The following ZNF682 variants were observed in gnomAD, a reference collection of about 807,000 sequenced individuals.
The protein encoded by ZNF682 is zinc finger protein 682.
Under a neutral mutation model 36.5 loss-of-function variants are expected in ZNF682, and 29 were observed. The observed-to-expected ratio is 0.80, with a 90% CI of 0.59 to 1.08. The LOEUF is 1.08. Among genes scored for constraint, ZNF682 ranks in the 50% least tolerant of loss-of-function variants. The pLI is 0.00. For synonymous variants in ZNF682, 180 were observed against 197.0 expected, an observed-to-expected ratio of 0.91 and a Z score of 0.72; for missense variants, 561 against 579.7, an observed-to-expected ratio of 0.97 and a Z score of 0.33.
downstream of ZNF682, among the ~76,000 whole-genome samples, chr19:19,995,545 G>A (rs1380441712): frequency 6.6e-6 from 1 of 152,186 alleles, no homozygotes; most frequent in Non-Finnish European, 1.5e-5. Context: ...GATTGAATTA[G>A]AGATTTCTCT....
intron 3 of ZNF682, among the ~76,000 whole-genome samples, chr19:20,008,615 G>A (rs114358960): frequency 2.0e-5 from 3 of 152,278 alleles, no homozygotes; most frequent in African/African-American, 7.2e-5. Flanking sequence ...CAGGACCCCT[G>A]ATAAATATGG....
At chr19:20,012,286 A>C (rs555997167) in intron 3 of ZNF682, among the ~76,000 whole-genome samples, 1 of 152,312 alleles carries the variant, frequency 6.6e-6, no homozygotes, top group African/African-American at 2.4e-5. Flanking sequence ...CAATTAATCA[A>C]AAAAATAAAT....
chr19:20,014,943 T>TTTG lies in ZNF682; in HGVS notation c.227-7671_227-7669dup, dbSNP rs2088322525. ...CACTCAGAAACAAAATAGAGAGGTG[T>TTTG]TTGTAAAGGGTCAGTCAAGGGGGAA... is the stretch of plus-strand genomic sequence containing the variant. On this transcript the variant is annotated intron_variant, in intron 3 of 3. Transcript: ENST00000397165. Among the ~76,000 whole-genome samples the TTTG allele has an allele frequency of 2.0e-5, 3 of 152,096 alleles. No individual in the cohort carries two copies. The South Asian group carries it at 6.2e-4, about 31-fold the overall frequency.
intron 1 of ZNF682, among the ~76,000 whole-genome samples, chr19:20,032,348 A>G (rs2088486471): frequency 6.6e-6 from 1 of 152,216 alleles, no homozygotes; most frequent in Non-Finnish European, 1.5e-5. Context: ...CTCTGAATTC[A>G]TTTCAGATTT....
chr19:20,033,815 A>C (rs1265566242), intron 1 of ZNF682: 1 of 152,598 alleles, frequency 6.6e-6, no homozygotes, highest in African/African-American at 2.4e-5. Flanking sequence ...TGGCCTCCCA[A>C]AGTGCTGGGA....
rs564688392 is a variant in ZNF682 at position 20,034,822 on chromosome 19, C to T, written c.3+4521G>A. ...AAAGAAAAGAAAAAATAAGGTCAGG[C>T]CCGGTGGCTCATGCCTGTAATCCAA... On this transcript the variant is annotated intron_variant, in intron 1 of 3. Coordinates refer to ENST00000397165, the MANE Select transcript of ZNF682 (RefSeq NM_033196.3). Among the ~76,000 whole-genome samples the T allele has an allele frequency of 2.6e-5, 4 of 152,018 alleles. No homozygotes were observed. In the South Asian group the frequency reaches 8.3e-4, roughly 32 times the overall value.
At chr19:20,032,453 C>T (rs567982757) in intron 1 of ZNF682, among the ~76,000 whole-genome samples, 20 of 152,218 alleles carry the variant, frequency 1.3e-4, no homozygotes, top group African/African-American at 4.3e-4. Flanking sequence ...CTACAAGGGA[C>T]TATAGATCAC....
chr19:20,005,959 T>C lies in ZNF682; in HGVS notation c.*46A>G. On this transcript the variant is annotated 3_prime_UTR_variant, in exon 4 of 4. Transcript: ENST00000397165. The stretch of plus-strand genomic sequence containing the variant: ...ATGCCTTGAGCAAGATTTATGGAAT[T>C]TGCCACATTCTTTACATTTGTAGGA... The C allele has an allele frequency of 6.6e-7, 1 of 1,514,164 alleles. No homozygotes were observed. Among genetic ancestry groups the C allele is most frequent in the Non-Finnish European group, 8.9e-7 (1 of 1,125,692 alleles). 93.8% of individuals were successfully genotyped at this position (1,514,164 alleles called of 1,614,324 possible). A position where few individuals can be genotyped will look rare whatever the true frequency, so the allele number is the denominator to read the frequency against.
rs985487871 is a variant in ZNF682, at chr19:20,024,134, A to G, written c.130+116T>C. On this transcript the variant is annotated intron_variant, in intron 2 of 3. Coordinates refer to ENST00000397165, the MANE Select transcript of ZNF682 (RefSeq NM_033196.3). ...CAACAAATCCCCAAGTTTTCCTTGAAAGCAGAGATCTAAAACTCATTTATA... is the reference window on the plus strand; with the variant it reads ...CAACAAATCCCCAAGTTTTCCTTGAGAGCAGAGATCTAAAACTCATTTATA... The G allele has an allele frequency of 8.8e-6, 11 of 1,245,326 alleles. No individual in the cohort carries two copies. The African/African-American group carries it at 1.4e-4, about 15-fold the overall frequency. The allele number at this position is 1,245,326 out of a possible 1,614,324, so 77.1% of individuals were successfully genotyped here. A position where few individuals can be genotyped will look rare whatever the true frequency, so the allele number is the denominator to read the frequency against.
At chr19:20,007,479 A>T (rs866004677) in intron 3 of ZNF682, 1 of 515,604 alleles carries the variant, frequency 1.9e-6, no homozygotes, top group Non-Finnish European at 3.3e-6. Context: ...AGCTTAATTC[A>T]GAGGTAATGC....
intron 3 of ZNF682, chr19:20,007,499 G>T: frequency 4.4e-6 from 2 of 452,384 alleles, no homozygotes; most frequent in South Asian, 4.1e-5. Context: ...CAGAAACTGT[G>T]GTTGAAGAGG....
chr19:20,007,237 G>A lies in ZNF682; in HGVS notation c.265C>T (p.Gln89Ter). The part of the protein sequence containing the change: ...SHYTEDLLPE[Q>*]CMQDSFQKVI... Reference sequence around the variant, plus strand: ...TTTTGGAATGAATCTTGCATGCACTGTTCTGGCAAAAGGTCTTCAGTGTAA... The same window carrying A: ...TTTTGGAATGAATCTTGCATGCACTATTCTGGCAAAAGGTCTTCAGTGTAA... Residue 89 changes from glutamine to a stop codon, truncating the protein, a stop_gained, in exon 4 of 4, where the codon CAG becomes TAG. Transcript: ENST00000397165. LOFTEE classifies it low-confidence loss of function (END_TRUNC). The A allele has an allele frequency of 6.2e-7, 1 of 1,612,664 alleles. No individual in the cohort carries two copies.
At position 20,005,084 on chromosome 19, in the gene ZNF682, TTTC is replaced by T. The variant is rs2088199686; in HGVS notation, c.*918_*920del. 6.6e-6 allele frequency: 1 copy of T among 152,162 alleles called. No homozygotes were observed. Among genetic ancestry groups the T allele is most frequent in the African/African-American group, 2.4e-5 (1 of 41,444 alleles). The allele number at this position is 152,162 out of a possible 1,614,324, so 9.4% of individuals were successfully genotyped here. A position where few individuals can be genotyped will look rare whatever the true frequency, so the allele number is the denominator to read the frequency against. On this transcript the variant is annotated 3_prime_UTR_variant, in exon 4 of 4. Coordinates refer to ENST00000397165, the MANE Select transcript of ZNF682 (RefSeq NM_033196.3). ...AATGCTTTCATATAAACTAGCGTTC[TTTC>T]TTTTTTTTTGAGACAGAGTCTCTGT...
At chr19:20,031,483 T>C (rs1456506339) in intron 1 of ZNF682, among the ~76,000 whole-genome samples, 1 of 152,252 alleles carries the variant, frequency 6.6e-6, no homozygotes, top group Non-Finnish European at 1.5e-5. Flanking sequence ...ATGGGCTTTC[T>C]GTACATTCTC....
downstream of ZNF682, among the ~76,000 whole-genome samples, chr19:20,000,572 T>C (rs1374813594): frequency 1.3e-5 from 2 of 152,176 alleles, no homozygotes; most frequent in Non-Finnish European, 2.9e-5. Context: ...GGTTGTCAAA[T>C]GTTGAAACTC....
rs1338324622 is a variant in ZNF682 at position 20,004,615 on chromosome 19, C to G, written c.*1390G>C. ...TTATAAGTCAACCACAAAAGTTTCT[C>G]TGTGTACTTTCTTCACACACCTCAT... On this transcript the variant is annotated 3_prime_UTR_variant, in exon 4 of 4. Transcript: ENST00000397165. The G allele has an allele frequency of 6.6e-6, 1 of 152,210 alleles. No individual in the cohort carries two copies. Among genetic ancestry groups the G allele is most frequent in the Non-Finnish European group, 1.5e-5 (1 of 68,038 alleles). The allele number at this position is 152,210 out of a possible 1,614,324, so 9.4% of individuals were successfully genotyped here.
chr19:20,009,894 C>T (rs1359883079), intron 3 of ZNF682, among the ~76,000 whole-genome samples: 1 of 152,074 alleles, frequency 6.6e-6, no homozygotes, highest in African/African-American at 2.4e-5. Flanking sequence ...GTAGCGTGCA[C>T]CTGTAGTCCT....
chr19:20,039,443 T>C lies in ZNF682; in HGVS notation c.-98A>G. 3 of 1,515,512 alleles carry C rather than the reference T, an allele frequency of 2.0e-6. No individual in the cohort carries two copies. Among genetic ancestry groups the C allele is most frequent in the East Asian group, 2.3e-5 (1 of 44,352 alleles). 93.9% of individuals were successfully genotyped at this position (1,515,512 alleles called of 1,614,324 possible). On this transcript the variant is annotated 5_prime_UTR_variant, in exon 1 of 4. Coordinates refer to ENST00000397165, the MANE Select transcript of ZNF682 (RefSeq NM_033196.3). ...GGCTGCGACAGTCACCGGGAACTAC[T>C]AGAGCAGAGGATACTAAGCAATGAA...
chr19:19,999,956 C>CT (rs1437850269), downstream of ZNF682, among the ~76,000 whole-genome samples: 2 of 152,190 alleles, frequency 1.3e-5, no homozygotes, highest in Non-Finnish European at 2.9e-5. Flanking sequence ...TAGACAATGG[C>CT]TTTTACTGAG....
Sources: gnomAD v4.1 joint callset for allele counts (sites outside exome capture counted in the v4.1 genomes callset) on GRCh38, gnomAD v4.1.1 for gene constraint, MANE v1.5 for transcripts, NCBI Gene and HGNC (gene_info 2026-07-23, HGNC 2026-07-21) for gene names.